GRM7: variants seen among roughly 807,000 people sequenced by gnomAD.
GRM7 encodes the protein glutamate metabotropic receptor 7, also known as metabotropic glutamate receptor 7.
GRM7 carries 35 observed loss-of-function variants against 84.5 expected under a neutral mutation model. That is an observed-to-expected ratio of 0.41 (90% CI 0.32 to 0.55). The LOEUF is 0.55. Among genes scored for constraint, GRM7 ranks in the 20% least tolerant of loss-of-function variants. The pLI is 0.19. For synonymous variants in GRM7, 487 were observed against 455.1 expected (o/e 1.07, Z -0.89); for missense variants, 1,003 against 1,194.6 (o/e 0.84, Z 2.36).
At chr3:7,510,707 T>C (rs1700173213) in intron 7 of GRM7, among the ~76,000 whole-genome samples, 1 of 152,092 alleles carries the variant, frequency 6.6e-6, no homozygotes, top group African/African-American at 2.4e-5. Context: ...GCAGCCCACA[T>C]GCTAAGAATA....
rs566555795 is a variant in GRM7, at chr3:6,947,353, G to A, written c.519+85446G>A. Among the ~76,000 whole-genome samples, 3 of 152,224 alleles carry A rather than the reference G, an allele frequency of 2.0e-5. No individual in the cohort carries two copies. The East Asian group carries it at 5.8e-4, about 29-fold the overall frequency. Reference sequence around the variant, plus strand: ...TGGTTCTGTTTATATGCTGGATTACGTTTATTGATTTTCATACGTTGAACC... The same window carrying A: ...TGGTTCTGTTTATATGCTGGATTACATTTATTGATTTTCATACGTTGAACC... On this transcript the variant is annotated intron_variant, in intron 1 of 9. Coordinates refer to ENST00000357716, the MANE Select transcript of GRM7 (RefSeq NM_000844.4).
chr3:7,064,491 CAT>C (rs145425493), intron 1 of GRM7, among the ~76,000 whole-genome samples: 9 of 69,642 alleles, frequency 1.3e-4, no homozygotes, highest in Non-Finnish European at 1.5e-4. Context: ...CACACATATA[CAT>C]ATATATATAC....
intron 1 of GRM7, among the ~76,000 whole-genome samples, chr3:6,935,710 T>TATTATC (rs1278905485): frequency 6.7e-6 from 1 of 149,158 alleles, no homozygotes; most frequent in Non-Finnish European, 1.5e-5. Flanking sequence ...TTATTATTAT[T>TATTATC]ATTGAGACAG....
intron 4 of GRM7, among the ~76,000 whole-genome samples, chr3:7,375,582 C>A (rs1171136325): frequency 6.6e-6 from 1 of 152,108 alleles, no homozygotes; most frequent in Admixed American, 6.6e-5. Context: ...TCATGTCATT[C>A]CCCTATCACA....
chr3:7,165,380 C>G (rs2125082871), intron 2 of GRM7, among the ~76,000 whole-genome samples: 1 of 152,344 alleles, frequency 6.6e-6, no homozygotes, highest in African/African-American at 2.4e-5. Context: ...AAAAATTAAA[C>G]TATCAGAGTA....
chr3:7,644,495 C>T (rs141063300), intron 8 of GRM7, among the ~76,000 whole-genome samples: 1 of 152,208 alleles, frequency 6.6e-6, no homozygotes, highest in African/African-American at 2.4e-5. Context: ...TTTATTCTGT[C>T]AAGTTACTTA....
At chr3:6,881,798 T>C (rs978566101) in intron 1 of GRM7, among the ~76,000 whole-genome samples, 1 of 152,116 alleles carries the variant, frequency 6.6e-6, no homozygotes, top group Non-Finnish European at 1.5e-5. Context: ...CTCAGATGCA[T>C]AGACATGGGG....
chr3:7,370,627 A>T lies in GRM7; in HGVS notation c.1034-44396A>T, dbSNP rs113963713. On this transcript the variant is annotated intron_variant, in intron 4 of 9. Transcript: ENST00000357716. ...AATGGACTAATACAAAAGGAAATGG[A>T]TAAAGATGTCTCCAGAAATATCCAG... Among the ~76,000 whole-genome samples, 812 of 152,250 alleles carry T rather than the reference A, an allele frequency of 5.3e-3. 11 individuals carry two copies. Among genetic ancestry groups the T allele is most frequent in the African/African-American group, 0.019 (781 of 41,558 alleles).
intron 1 of GRM7, among the ~76,000 whole-genome samples, chr3:6,914,827 A>G (rs543539106): frequency 6.6e-6 from 1 of 152,242 alleles, no homozygotes; most frequent in South Asian, 2.1e-4. Flanking sequence ...AATAAAGTTG[A>G]CTTCAAAATT....
chr3:7,030,396 T>C (rs1696146873), intron 1 of GRM7, among the ~76,000 whole-genome samples: 2 of 152,212 alleles, frequency 1.3e-5, no homozygotes, highest in Admixed American at 1.3e-4. Flanking sequence ...ATGTTCATTA[T>C]CTTGATTTTG....
At chr3:7,655,743 A>G (rs1245921900) in intron 8 of GRM7, among the ~76,000 whole-genome samples, 9 of 152,164 alleles carry the variant, frequency 5.9e-5, no homozygotes, top group Admixed American at 5.9e-4. Context: ...GAAACCCCCT[A>G]TGATCTTCTG....
At chr3:6,915,393 C>G (rs1408119341) in intron 1 of GRM7, among the ~76,000 whole-genome samples, 1 of 152,064 alleles carries the variant, frequency 6.6e-6, no homozygotes, top group Non-Finnish European at 1.5e-5. Context: ...CTTTTAAAAT[C>G]TCATGTATAA....
At chr3:7,072,060 T>G (rs1451849801) in intron 1 of GRM7, among the ~76,000 whole-genome samples, 1 of 152,066 alleles carries the variant, frequency 6.6e-6, no homozygotes, top group Non-Finnish European at 1.5e-5. Context: ...TGGATTCACA[T>G]TATCTCTTAG....
At chr3:7,606,588 C>T (rs1696585776) in intron 8 of GRM7, among the ~76,000 whole-genome samples, 1 of 152,154 alleles carries the variant, frequency 6.6e-6, no homozygotes, top group Non-Finnish European at 1.5e-5. Context: ...CTGGAGTGTG[C>T]AGTGGCGCAA....
At chr3:6,983,654 T>C (rs1294432701) in intron 1 of GRM7, among the ~76,000 whole-genome samples, 1 of 152,202 alleles carries the variant, frequency 6.6e-6, no homozygotes, top group African/African-American at 2.4e-5. Context: ...TATTATGAGA[T>C]ATTTTTGTTT....
At chr3:7,311,541 CT>C (rs1430382302) in intron 4 of GRM7, among the ~76,000 whole-genome samples, 2 of 151,836 alleles carry the variant, frequency 1.3e-5, no homozygotes, top group Non-Finnish European at 2.9e-5. Context: ...TTTATCCTCC[CT>C]GTATTGTTCT....
intron 2 of GRM7, among the ~76,000 whole-genome samples, chr3:7,169,806 C>T (rs1694924212): frequency 6.6e-6 from 1 of 151,708 alleles, no homozygotes; most frequent in Admixed American, 6.6e-5. Context: ...ATTGTACCAG[C>T]CTGAGCTGAG....
intron 4 of GRM7, among the ~76,000 whole-genome samples, chr3:7,403,989 A>G (rs1695569401): frequency 6.6e-6 from 1 of 152,078 alleles, no homozygotes; most frequent in Non-Finnish European, 1.5e-5. Flanking sequence ...TAACCCTGAC[A>G]GCATATCTGA....
intron 2 of GRM7, among the ~76,000 whole-genome samples, chr3:7,185,355 C>T (rs6775229): frequency 0.69 from 105,239 of 151,970 alleles, 38,259 homozygotes; most frequent in African/African-American, 0.9. Context: ...TATTTATTAT[C>T]TATTATTATG....
Sources: gnomAD v4.1 joint callset for allele counts (sites outside exome capture counted in the v4.1 genomes callset) on GRCh38, gnomAD v4.1.1 for gene constraint, MANE v1.5 for transcripts, NCBI Gene and HGNC (gene_info 2026-07-23, HGNC 2026-07-21) for gene names.